The following AOAH variants were observed in gnomAD, a reference collection of about 807,000 sequenced individuals.
The protein encoded by AOAH is acyloxyacyl hydrolase, also known as acyloxyacyl hydrolase (neutrophil).
Under a neutral mutation model 92.2 loss-of-function variants are expected in AOAH, and 64 were observed. That is an observed-to-expected ratio of 0.69 (90% CI 0.57 to 0.86). The LOEUF is 0.86. Ranked by LOEUF, AOAH falls within the 40% of genes least tolerant of loss-of-function variation. The pLI is 0.00. For missense variants in AOAH, 656 were observed against 694.6 expected (o/e 0.94, Z 0.62); for synonymous variants, 263 against 254.5 (o/e 1.03, Z -0.32).
At chr7:36,649,856 G>A (rs990484831) in intron 4 of AOAH, among the ~76,000 whole-genome samples, 3 of 152,176 alleles carry the variant, frequency 2.0e-5, no homozygotes, top group African/African-American at 2.4e-5. Context: ...CCAGTGAGGC[G>A]CCCATTGCCG....
Position 36,724,478 on chromosome 7 carries a change from G to A in AOAH, c.-330C>T, listed in dbSNP as rs1310051021. 2 of 223,392 alleles carry A rather than the reference G, an allele frequency of 9.0e-6. No homozygotes were observed. Among genetic ancestry groups the A allele is most frequent in the South Asian group, 6.7e-5 (1 of 14,968 alleles). The allele number at this position is 223,392 out of a possible 1,614,324, so 13.8% of individuals were successfully genotyped here. A position where few individuals can be genotyped will look rare whatever the true frequency, so the allele number is the denominator to read the frequency against. On this transcript the variant is annotated 5_prime_UTR_variant, in exon 1 of 21. In the 5' UTR this introduces an upstream ATG that the reference lacks. Transcript: ENST00000617537. ...CAAGTTGCACAGTGGCACAACTTCC[G>A]TGCTCCCTGGCTCAGTGAAGTTAGT... is the stretch of plus-strand genomic sequence containing the variant.
chr7:36,644,409 G>A (rs190723661), intron 4 of AOAH, among the ~76,000 whole-genome samples: 22 of 152,180 alleles, frequency 1.4e-4, no homozygotes, highest in African/African-American at 4.1e-4. Flanking sequence ...CCATGCATTC[G>A]TGTATTCAAG....
intron 16 of AOAH, among the ~76,000 whole-genome samples, chr7:36,537,236 A>T (rs142019726): frequency 4.1e-5 from 6 of 144,670 alleles, no homozygotes; most frequent in African/African-American, 1.0e-4. Flanking sequence ...CCTTGATTGG[A>T]TTTTTTTTTT....
intron 20 of AOAH, chr7:36,514,798 G>C (rs1790244822): frequency 3.9e-6 from 2 of 513,290 alleles, no homozygotes; most frequent in Non-Finnish European, 7.0e-6. Context: ...CTTCCTAATA[G>C]GCAGCGTAGC....
rs1408669909 is a variant in AOAH at position 36,719,940 on chromosome 7, A to C, written c.127+4082T>G. Among the ~76,000 whole-genome samples the C allele has an allele frequency of 1.6e-4, 10 of 62,614 alleles. No homozygotes were observed. The South Asian group carries it at 8.7e-3, about 54-fold the overall frequency. 41.1% of individuals were successfully genotyped at this position (62,614 alleles called of 152,430 possible). ...GATAGAGTAGGACTTTGTCTTTATT[A>C]AAAAAAAAAAAAAGATGAATCATTC... On this transcript the variant is annotated intron_variant, in intron 1 of 20. Transcript: ENST00000617537.
chr7:36,567,951 C>A (rs1439807745), intron 13 of AOAH, among the ~76,000 whole-genome samples: 6 of 152,188 alleles, frequency 3.9e-5, no homozygotes, highest in African/African-American at 1.4e-4. Context: ...GCAGCTGGGG[C>A]CCTGTACATT....
chr7:36,711,105 G>A (rs958846062), intron 1 of AOAH, among the ~76,000 whole-genome samples: 1 of 152,116 alleles, frequency 6.6e-6, no homozygotes, highest in Non-Finnish European at 1.5e-5. Context: ...ATTATAGAAA[G>A]TGTGGAAAAT....
intron 2 of AOAH, among the ~76,000 whole-genome samples, chr7:36,685,084 G>T (rs1693677389): frequency 6.6e-6 from 1 of 151,968 alleles, no homozygotes; most frequent in Non-Finnish European, 1.5e-5. Flanking sequence ...CTCTGATCAA[G>T]CTGCCAATTT....
In AOAH at chr7:36,540,384, A is replaced by C. The variant is rs1562549498; in HGVS notation, c.1241T>G (p.Ile414Ser). The C allele has an allele frequency of 1.2e-6, 2 of 1,614,114 alleles. No individual in the cohort carries two copies. The highest frequency in any genetic ancestry group is 1.7e-6 in the Non-Finnish European group (2 of 1,179,942). ...NSHLPNGSHVILYGLPDGTFL... is the reference protein window; with the variant it reads ...NSHLPNGSHVSLYGLPDGTFL... ...GGTTCCATCTGGTAAGCCATACAAA[A>C]TAACATGGCTGCCATTGGGCAGGTG... The change falls in exon 16 of 21, where the codon ATT becomes AGT. Residue 414 changes from isoleucine (I) to serine (S), a missense_variant. Coordinates refer to ENST00000617537, the MANE Select transcript of AOAH (RefSeq NM_001637.4).
chr7:36,527,696 C>T (rs1370263683), intron 19 of AOAH, among the ~76,000 whole-genome samples: 2 of 152,166 alleles, frequency 1.3e-5, no homozygotes, highest in African/African-American at 4.8e-5. Context: ...TACAAGGAAA[C>T]AAAGGCTGGG....
intron 9 of AOAH, among the ~76,000 whole-genome samples, chr7:36,619,747 T>C (rs560417952): frequency 2.6e-5 from 4 of 152,342 alleles, no homozygotes; most frequent in Non-Finnish European, 4.4e-5. Context: ...ATGAGTGTCC[T>C]GAAGAGAGGA....
At chr7:36,530,853 A>C (rs1402966872) in intron 18 of AOAH, among the ~76,000 whole-genome samples, 1 of 152,228 alleles carries the variant, frequency 6.6e-6, no homozygotes, top group East Asian at 1.9e-4. Flanking sequence ...TCTAGAGAGC[A>C]ATTTGGCAAT....
intron 16 of AOAH, among the ~76,000 whole-genome samples, chr7:36,538,691 G>C (rs1785234092): frequency 6.6e-6 from 1 of 152,186 alleles, no homozygotes; most frequent in Admixed American, 6.5e-5. Flanking sequence ...GGTTCAAAGA[G>C]ACATTCTTAG....
chr7:36,682,861 C>A (rs1796733326), intron 2 of AOAH, among the ~76,000 whole-genome samples: 1 of 151,724 alleles, frequency 6.6e-6, no homozygotes, highest in Non-Finnish European at 1.5e-5. Context: ...CAAAGACAGG[C>A]AATGAAGATT....
At chr7:36,634,566 T>C (rs1299155687) in intron 5 of AOAH, among the ~76,000 whole-genome samples, 1 of 152,152 alleles carries the variant, frequency 6.6e-6, no homozygotes, top group Non-Finnish European at 1.5e-5. Flanking sequence ...CCGATGCCCC[T>C]GGCCGAATAA....
chr7:36,568,542 T>A (rs1204169027), intron 13 of AOAH, among the ~76,000 whole-genome samples: 1 of 152,178 alleles, frequency 6.6e-6, no homozygotes, highest in African/African-American at 2.4e-5. Context: ...CTCAGAGCAG[T>A]GCTGTGTTGA....
At chr7:36,714,136 A>G (rs1233215978) in intron 1 of AOAH, among the ~76,000 whole-genome samples, 1 of 152,210 alleles carries the variant, frequency 6.6e-6, no homozygotes, top group Non-Finnish European at 1.5e-5. Flanking sequence ...AAAAAATGAT[A>G]AAGGGGATAT....
At chr7:36,517,953 A>C (rs201982477) in intron 20 of AOAH, among the ~76,000 whole-genome samples, 2 of 118,416 alleles carry the variant, frequency 1.7e-5, no homozygotes, top group Non-Finnish European at 1.6e-5. Context: ...ACCCACACAC[A>C]CACACACACA....
At chr7:36,526,080 G>T (rs10230855) in intron 19 of AOAH, among the ~76,000 whole-genome samples, 10,307 of 152,202 alleles carry the variant, frequency 0.068, 524 homozygotes, top group East Asian at 0.19. Flanking sequence ...ACACATTCCT[G>T]CCTGCTAGGA....
Sources: allele counts gnomAD v4.1 joint callset (sites outside exome capture counted in the v4.1 genomes callset), GRCh38; gene constraint gnomAD v4.1.1; transcripts MANE v1.5; gene names NCBI Gene and HGNC (gene_info 2026-07-23, HGNC 2026-07-21).